The following ADGRA3 variants were observed in gnomAD, a reference collection of about 807,000 sequenced individuals.
ADGRA3 encodes adhesion G protein-coupled receptor A3, also known as G-protein coupled receptor 125.
ADGRA3 carries 56 observed loss-of-function variants against 119.8 expected under a neutral mutation model. The observed-to-expected ratio is 0.47, with a 90% CI of 0.38 to 0.58. The LOEUF (loss-of-function observed/expected upper bound fraction) is 0.58. Among genes scored for constraint, ADGRA3 ranks in the 20% least tolerant of loss-of-function variants. The pLI is 0.00. For synonymous variants in ADGRA3, 607 were observed against 623.8 expected, an observed-to-expected ratio of 0.97 and a Z score of 0.40; for missense variants, 1,516 against 1,649.0, an observed-to-expected ratio of 0.92 and a Z score of 1.40.
intron 7 of ADGRA3, among the ~76,000 whole-genome samples, chr4:22,441,812 C>T (rs1466579322): frequency 6.6e-6 from 1 of 152,170 alleles, no homozygotes; most frequent in African/African-American, 2.4e-5. Flanking sequence ...TGAAAATATG[C>T]TTCTAGTAGA....
chr4:22,424,869 C>T (rs140365341), intron 10 of ADGRA3, among the ~76,000 whole-genome samples: 2,429 of 152,140 alleles, frequency 0.016, 46 homozygotes, highest in Non-Finnish European at 0.02. Context: ...GTCAAGAGTT[C>T]GAGACCATCC....
chr4:22,407,960 G>A (rs1001316912), intron 14 of ADGRA3, among the ~76,000 whole-genome samples: 1 of 152,080 alleles, frequency 6.6e-6, no homozygotes, highest in African/African-American at 2.4e-5. Context: ...CATCCTGTGT[G>A]TAAGGGAATA....
chr4:22,391,879 G>A (rs866479872), intron 17 of ADGRA3, among the ~76,000 whole-genome samples: 3 of 150,664 alleles, frequency 2.0e-5, no homozygotes, highest in Non-Finnish European at 3.0e-5. Flanking sequence ...ACAACCCCCC[G>A]CCCCCAAAAT....
In ADGRA3 at chr4:22,389,132, T is replaced by G; in HGVS notation, c.2679A>C (p.Ala893=). 1 of 1,614,060 alleles carries G rather than the reference T, an allele frequency of 6.2e-7. No individual in the cohort carries two copies. Among genetic ancestry groups the G allele is most frequent in the South Asian group, 1.1e-5 (1 of 91,084 alleles). ...GIPIIVCGIT[A]AANIKNYGSR... ...TGCCGTAATTCTTAATGTTCGCTGCTGCAGTTATGCCGCAAACAATGATGG... is the reference window on the plus strand; with the variant it reads ...TGCCGTAATTCTTAATGTTCGCTGCGGCAGTTATGCCGCAAACAATGATGG... The change falls in exon 18 of 19, where the codon GCA becomes GCC. Residue 893 remains alanine, a synonymous_variant. Transcript: ENST00000334304.
chr4:22,402,844 C>T (rs1714728725), intron 14 of ADGRA3, 45 bp from the exon 15 acceptor site: 3 of 1,564,230 alleles, frequency 1.9e-6, no homozygotes, highest in Admixed American at 2.0e-5. Context: ...CTTCTCTCCA[C>T]ATTTAACTAC....
At position 22,515,877 on chromosome 4, in the gene ADGRA3, G is replaced by A; in HGVS notation, c.-93C>T. The stretch of plus-strand genomic sequence containing the variant: ...CGGGCAGGAGCGCGGCGCGGGCCCA[G>A]CGGCGACCGGAGCCTTATGGCGGCC... On this transcript the variant is annotated 5_prime_UTR_variant, in exon 1 of 19. Coordinates refer to ENST00000334304, the MANE Select transcript of ADGRA3 (RefSeq NM_145290.4). 1 of 864,766 alleles carries A rather than the reference G, an allele frequency of 1.2e-6. No homozygotes were observed. The highest frequency in any genetic ancestry group is 1.4e-6 in the Non-Finnish European group (1 of 721,380). The allele number at this position is 864,766 out of a possible 1,614,324, so 53.6% of individuals were successfully genotyped here.
At chr4:22,502,369 T>A (rs962196534) in intron 1 of ADGRA3, among the ~76,000 whole-genome samples, 2 of 152,168 alleles carry the variant, frequency 1.3e-5, no homozygotes, top group East Asian at 3.9e-4. Context: ...TGGCGGTATA[T>A]AGGCCACATA....
chr4:22,495,933 A>C (rs1482100089), intron 1 of ADGRA3, among the ~76,000 whole-genome samples: 1 of 152,178 alleles, frequency 6.6e-6, no homozygotes, highest in Non-Finnish European at 1.5e-5. Flanking sequence ...TATCAGAGTT[A>C]ATACATGAAA....
rs1016718686 is a variant in ADGRA3 at position 22,515,795 on chromosome 4, G to C, written c.-11C>G. ...TCCGGGTGGCTCCATGCTGCGGGCC[G>C]GGGCCTGCGGGGCGAGCGGCGGCGC... On this transcript the variant is annotated 5_prime_UTR_variant, in exon 1 of 19. Coordinates refer to ENST00000334304, the MANE Select transcript of ADGRA3 (RefSeq NM_145290.4). 11 of 996,248 alleles carry C rather than the reference G, an allele frequency of 1.1e-5. No individual in the cohort carries two copies. Among genetic ancestry groups the C allele is most frequent in the African/African-American group, 1.8e-5 (1 of 56,898 alleles). 61.7% of individuals were successfully genotyped at this position (996,248 alleles called of 1,614,324 possible).
At chr4:22,412,587 C>T (rs12331257) in intron 14 of ADGRA3, among the ~76,000 whole-genome samples, 3,590 of 152,166 alleles carry the variant, frequency 0.024, 99 homozygotes, top group African/African-American at 0.065. Flanking sequence ...CATTTTTAGT[C>T]CCAAGCATCT....
chr4:22,402,889 A>C (rs1454398417), intron 14 of ADGRA3, 90 bp from the exon 15 acceptor site: 1 of 1,253,834 alleles, frequency 8.0e-7, no homozygotes, highest in East Asian at 2.4e-5. Flanking sequence ...CACATCAATA[A>C]ACAAAAACTC....
intron 1 of ADGRA3, among the ~76,000 whole-genome samples, chr4:22,501,934 T>TTC (rs397734781): frequency 1.3e-5 from 2 of 151,600 alleles, no homozygotes; most frequent in African/African-American, 2.4e-5. Flanking sequence ...ATTTTTTTTT[T>TTC]CCCCATCAAG....
chr4:22,409,871 T>G (rs1715120441), intron 14 of ADGRA3, among the ~76,000 whole-genome samples: 1 of 152,206 alleles, frequency 6.6e-6, no homozygotes, highest in Non-Finnish European at 1.5e-5. Flanking sequence ...CAAACAGTAG[T>G]TACTTATCAG....
intron 4 of ADGRA3, among the ~76,000 whole-genome samples, chr4:22,454,261 T>G (rs534995059): frequency 8.5e-5 from 13 of 152,158 alleles, no homozygotes; most frequent in Non-Finnish European, 1.8e-4. Flanking sequence ...TAAACAAATA[T>G]AGATAACTTA....
At chr4:22,451,114 A>C (rs1717025974) in intron 4 of ADGRA3, among the ~76,000 whole-genome samples, 2 of 151,470 alleles carry the variant, frequency 1.3e-5, no homozygotes, top group African/African-American at 4.8e-5. Context: ...AAACATATAT[A>C]TATAAGTTGT....
chr4:22,450,677 C>T lies in ADGRA3; in HGVS notation c.474-3166G>A, dbSNP rs369842985. Among the ~76,000 whole-genome samples the T allele has an allele frequency of 2.6e-5, 4 of 151,980 alleles. No homozygotes were observed. In the East Asian group the frequency reaches 5.8e-4, roughly 22 times the overall value. On this transcript the variant is annotated intron_variant, in intron 4 of 18. Coordinates refer to ENST00000334304, the MANE Select transcript of ADGRA3 (RefSeq NM_145290.4). ...TGTATATGATACATCATCTATTATA[C>T]AGAAGCCTTTATCAGGGCAGATTTG... is the stretch of plus-strand genomic sequence containing the variant.
chr4:22,428,868 C>A (rs1242261769), intron 10 of ADGRA3, among the ~76,000 whole-genome samples: 2 of 152,116 alleles, frequency 1.3e-5, no homozygotes, highest in Non-Finnish European at 2.9e-5. Context: ...CAATCATCAT[C>A]AGGGTTATGG....
At chr4:22,444,486 A>G (rs1226393379) in intron 6 of ADGRA3, among the ~76,000 whole-genome samples, 1 of 152,114 alleles carries the variant, frequency 6.6e-6, no homozygotes, top group Non-Finnish European at 1.5e-5. Flanking sequence ...GGGTTTCACC[A>G]TGTTAGCCAG....
At chr4:22,499,024 T>C (rs577814096) in intron 1 of ADGRA3, among the ~76,000 whole-genome samples, 2 of 152,158 alleles carry the variant, frequency 1.3e-5, no homozygotes, top group Non-Finnish European at 1.5e-5. Context: ...TCTCAGCTTG[T>C]AAGTGAGGGG....
Sources: gnomAD v4.1 joint callset for allele counts (sites outside exome capture counted in the v4.1 genomes callset) on GRCh38, gnomAD v4.1.1 for gene constraint, MANE v1.5 for transcripts, NCBI Gene and HGNC (gene_info 2026-07-23, HGNC 2026-07-21) for gene names.